Variants in SMPD3 observed in about 807,000 individuals in gnomAD.
The protein encoded by SMPD3 is sphingomyelin phosphodiesterase 3.
Under a neutral mutation model 55.7 loss-of-function variants are expected in SMPD3, and 21 were observed. The observed-to-expected ratio is 0.38, with a 90% confidence interval of 0.27 to 0.54. SMPD3 has a LOEUF of 0.54. Ranked by LOEUF, SMPD3 falls within the 20% of genes least tolerant of loss-of-function variation. The probability of loss-of-function intolerance (pLI) is 0.80; values close to 1 mark genes in which losing one functional copy is unlikely to be tolerated. For synonymous variants in SMPD3, 457 were observed against 404.3 expected (o/e 1.13, Z -1.56); for missense variants, 842 against 899.6 (o/e 0.94, Z 0.82).
chr16:68,416,450 C>T (rs1378108312), intron 1 of SMPD3, among the ~76,000 whole-genome samples: 1 of 152,202 alleles, frequency 6.6e-6, no homozygotes, highest in Non-Finnish European at 1.5e-5. Flanking sequence ...CTCCCTAATC[C>T]CTCCTACCCT....
chr16:68,446,177 C>G (rs2090607956), intron 1 of SMPD3, among the ~76,000 whole-genome samples: 4 of 152,144 alleles, frequency 2.6e-5, no homozygotes, highest in Admixed American at 2.6e-4. Flanking sequence ...GTCTTTGGAG[C>G]AGCCTATTAC....
intron 1 of SMPD3, among the ~76,000 whole-genome samples, chr16:68,397,079 G>A (rs1328285417): frequency 6.6e-6 from 1 of 152,192 alleles, no homozygotes; most frequent in African/African-American, 2.4e-5. Context: ...AGGGGCATAA[G>A]TGACTTGCTC....
intron 1 of SMPD3, among the ~76,000 whole-genome samples, chr16:68,424,210 A>G (rs1291790403): frequency 6.6e-6 from 1 of 151,602 alleles, no homozygotes; most frequent in African/African-American, 2.4e-5. Flanking sequence ...GAGTACTGCC[A>G]TGTCCTTACT....
chr16:68,426,991 C>CTTT (rs56214206), intron 1 of SMPD3, among the ~76,000 whole-genome samples: 57 of 112,108 alleles, frequency 5.1e-4, no homozygotes, highest in African/African-American at 1.1e-3. Context: ...TCAGGTCTAT[C>CTTT]TTTTTTTTTT....
In SMPD3 at chr16:68,358,902, C is replaced by T. The variant is rs180890396; in HGVS notation, c.*2304G>A. On this transcript the variant is annotated 3_prime_UTR_variant, in exon 9 of 9. Coordinates refer to ENST00000219334, the MANE Select transcript of SMPD3 (RefSeq NM_018667.4). ...GAGTCCATAGGCAGCCACAATGAGA[C>T]ACGTGGGTGGGGGGGTCCCGGTCTT... 316 of 152,694 alleles carry T rather than the reference C, an allele frequency of 2.1e-3. 5 individuals are homozygous for T. The highest frequency in any genetic ancestry group is 6.8e-3 in the Middle Eastern group (2 of 294). The allele number at this position is 152,694 out of a possible 1,614,324, so 9.5% of individuals were successfully genotyped here.
At chr16:68,414,592 A>G (rs1205071049) in intron 1 of SMPD3, among the ~76,000 whole-genome samples, 1 of 152,242 alleles carries the variant, frequency 6.6e-6, no homozygotes, top group African/African-American at 2.4e-5. Context: ...GCCAGTCTTC[A>G]TGTCCTGGTT....
rs1315453957 is a variant in SMPD3 at position 68,372,293 on chromosome 16, T to C, written c.-112A>G. The stretch of plus-strand genomic sequence containing the variant: ...GGGGGCAGCTGGAGGAGGGGTCACC[T>C]CCTGGCGAGATGCAACTCCGGCTGG... On this transcript the variant is annotated 5_prime_UTR_variant, in exon 3 of 9. Coordinates refer to ENST00000219334, the MANE Select transcript of SMPD3 (RefSeq NM_018667.4). 1.4e-6 allele frequency: 2 copies of C among 1,396,870 alleles called. No individual in the cohort carries two copies. The highest frequency in any genetic ancestry group is 2.5e-5 in the East Asian group (1 of 40,710). 86.5% of individuals were successfully genotyped at this position (1,396,870 alleles called of 1,614,324 possible). A position where few individuals can be genotyped will look rare whatever the true frequency, so the allele number is the denominator to read the frequency against.
intron 1 of SMPD3, among the ~76,000 whole-genome samples, chr16:68,443,763 C>T (rs1286141639): frequency 6.6e-6 from 1 of 152,206 alleles, no homozygotes; most frequent in Non-Finnish European, 1.5e-5. Flanking sequence ...CAATCCTATT[C>T]CTCTGGCATT....
At chr16:68,427,922 C>G (rs1465980696) in intron 1 of SMPD3, among the ~76,000 whole-genome samples, 1 of 152,102 alleles carries the variant, frequency 6.6e-6, no homozygotes, top group Non-Finnish European at 1.5e-5. Flanking sequence ...GTCCCTTGTT[C>G]CCTGTGCTCG....
chr16:68,390,518 G>A (rs559188031), intron 1 of SMPD3, among the ~76,000 whole-genome samples: 2 of 152,284 alleles, frequency 1.3e-5, no homozygotes, highest in African/African-American at 4.8e-5. Context: ...AAAACTAGCT[G>A]AGTGTGGTGG....
intron 1 of SMPD3, among the ~76,000 whole-genome samples, chr16:68,398,104 C>T (rs1206582333): frequency 1.3e-5 from 2 of 152,084 alleles, no homozygotes; most frequent in African/African-American, 2.4e-5. Flanking sequence ...AGGGCTGTGG[C>T]CACCTGGGCC....
Position 68,372,253 on chromosome 16 carries a change from G to A in SMPD3, c.-72C>T, listed in dbSNP as rs906053147. 9 of 1,560,732 alleles carry A rather than the reference G, an allele frequency of 5.8e-6. No homozygotes were observed. The highest frequency in any genetic ancestry group is 3.9e-5 in the Admixed American group (2 of 51,696). On this transcript the variant is annotated 5_prime_UTR_variant, in exon 3 of 9. Coordinates refer to ENST00000219334, the MANE Select transcript of SMPD3 (RefSeq NM_018667.4). ...GGCAGCTGCGGGCACTTTCCTGGGC[G>A]AGGGTGGGCGAGTTGGGGGCAGCTG...
At chr16:68,363,400 G>T in intron 7 of SMPD3, 96 bp downstream of exon 7, 1 of 1,387,598 alleles carries the variant, frequency 7.2e-7, no homozygotes. Flanking sequence ...GCCCTCATGA[G>T]CCCGAGCTGA....
At chr16:68,424,066 A>G (rs1202697006) in intron 1 of SMPD3, among the ~76,000 whole-genome samples, 1 of 150,228 alleles carries the variant, frequency 6.7e-6, no homozygotes, top group East Asian at 2.1e-4. Context: ...GGAGTTAGCC[A>G]ATGGCCAGGG....
rs2089426599 is a variant in SMPD3 at position 68,364,825 on chromosome 16, C to A, written c.1481G>T (p.Ser494Ile). 1.2e-6 allele frequency: 2 copies of A among 1,613,766 alleles called. No individual in the cohort carries two copies. Among genetic ancestry groups the A allele is most frequent in the Non-Finnish European group, 1.7e-6 (2 of 1,180,042 alleles). ...ADFRKSTSSSSAANPEELVAF... is the reference protein window; with the variant it reads ...ADFRKSTSSSIAANPEELVAF... ...CACCAGCTCCTCGGGGTTGGCTGCG[C>A]TGGACGAGGAGGTAGATTTTCGGAA... is the stretch of plus-strand genomic sequence containing the variant. Residue 494 changes from serine (S) to isoleucine (I), a missense_variant, in exon 5 of 9, where the codon AGC (serine) becomes ATC (isoleucine). By Grantham distance (142) the Ser-to-Ile change is moderately radical. Around this residue, in one of 2 missense-constraint regions of SMPD3, gnomAD observed 649 missense variants for 643.6 expected, o/e 1.01. Transcript: ENST00000219334.
At chr16:68,366,718 T>G (rs2089490064) in intron 3 of SMPD3, among the ~76,000 whole-genome samples, 1 of 152,040 alleles carries the variant, frequency 6.6e-6, no homozygotes. Context: ...ATACAAAAAT[T>G]AGCCGGGTGT....
intron 1 of SMPD3, among the ~76,000 whole-genome samples, chr16:68,426,858 A>G (rs980474464): frequency 1.3e-5 from 2 of 152,022 alleles, no homozygotes; most frequent in African/African-American, 4.8e-5. Flanking sequence ...GCTACTTTAA[A>G]TTTACTCATT....
At chr16:68,390,053 G>A (rs2090097409) in intron 1 of SMPD3, among the ~76,000 whole-genome samples, 1 of 152,178 alleles carries the variant, frequency 6.6e-6, no homozygotes, top group Admixed American at 6.5e-5. Flanking sequence ...TTATTTATGC[G>A]TTTTCCAGGA....
chr16:68,402,124 T>G (rs2090212940), intron 1 of SMPD3, among the ~76,000 whole-genome samples: 1 of 152,204 alleles, frequency 6.6e-6, no homozygotes, highest in Non-Finnish European at 1.5e-5. Flanking sequence ...AGACTGTCAT[T>G]TCCCTGGCTC....
Sources: gnomAD v4.1 joint callset for allele counts (sites outside exome capture counted in the v4.1 genomes callset) on GRCh38, gnomAD v4.1.1 for gene constraint, gnomAD v4.1.1 regional missense constraint, MANE v1.5 for transcripts, NCBI Gene and HGNC (gene_info 2026-07-23, HGNC 2026-07-21) for gene names.